The following ACSF3 variants were observed in gnomAD, a reference collection of about 807,000 sequenced individuals.
The protein encoded by ACSF3 is acyl-CoA synthetase family member 3.
Under a neutral mutation model 53.2 loss-of-function variants are expected in ACSF3, and 78 were observed. That is an observed-to-expected ratio of 1.47 (90% confidence interval 1.22 to 1.77). The LOEUF (loss-of-function observed/expected upper bound fraction) is 1.77, where lower values mean the gene tolerates loss of function less well. ACSF3 is among the 40% of genes most tolerant of loss of function. The pLI is 0.00. For synonymous variants in ACSF3, 414 were observed against 333.1 expected (o/e 1.24, Z -2.65); for missense variants, 937 against 771.1 (o/e 1.22, Z -2.55).
intron 8 of ACSF3, among the ~76,000 whole-genome samples, chr16:89,135,401 C>A (rs562458207): frequency 4.6e-5 from 7 of 152,222 alleles, no homozygotes; most frequent in African/African-American, 1.7e-4. Flanking sequence ...TGTGGCAGTT[C>A]CGCACGTTTG....
intron 10 of ACSF3, chr16:89,148,920 C>T (rs1661708471): frequency 6.6e-6 from 1 of 152,208 alleles, no homozygotes; most frequent in Non-Finnish European, 1.5e-5. Context: ...ATATTCAGCT[C>T]CTCTTTACTT....
rs773707422 is a variant in ACSF3 at position 89,154,159 on chromosome 16, G to T, written c.1683G>T (p.Met561Ile). The change falls in exon 11 of 11, where the codon ATG (methionine) becomes ATT (isoleucine). Residue 561 changes from methionine (M) to isoleucine (I), a missense_variant. Physicochemically the swap from Met to Ile is conservative, Grantham distance 10 (BLOSUM62 1). Transcript: ENST00000614302. ...TGGAGGAGATCCCGCGGAACCAGAT[G>T]GGCAAGATTGACAAGAAGGCGCTCA... The part of the protein sequence containing the change: ...VLVEEIPRNQ[M>I]GKIDKKALIR... 1.2e-6 allele frequency: 2 copies of T among 1,613,572 alleles called. No individual in the cohort carries two copies. The highest frequency in any genetic ancestry group is 1.7e-6 in the Non-Finnish European group (2 of 1,179,820).
chr16:89,111,276 C>T (rs982042802), intron 4 of ACSF3, among the ~76,000 whole-genome samples: 3 of 152,236 alleles, frequency 2.0e-5, no homozygotes, highest in Non-Finnish European at 2.9e-5. Context: ...ATTTCTTCCC[C>T]GGAGATTCCT....
At position 89,100,703 on chromosome 16, in the gene ACSF3, A is replaced by G; in HGVS notation, c.22A>G (p.Thr8Ala). The stretch of plus-strand genomic sequence containing the variant: ...TGCAATGCTGCCCCATGTGGTGCTC[A>G]CCTTCCGGCGCCTGGGCTGCGCCTT... MLPHVVL[T>A]FRRLGCALAS... Residue 8 changes from threonine (T) to alanine (A), a missense_variant, in exon 3 of 11, where the codon ACC (threonine) becomes GCC (alanine). Transcript: ENST00000614302. 6.4e-7 allele frequency: 1 copy of G among 1,571,652 alleles called. No homozygotes were observed. Among genetic ancestry groups the G allele is most frequent in the Non-Finnish European group, 8.6e-7 (1 of 1,165,688 alleles).
At chr16:89,114,972 A>T (rs951486727) in intron 6 of ACSF3, 3 of 253,066 alleles carry the variant, frequency 1.2e-5, no homozygotes, top group African/African-American at 6.7e-5. Context: ...TGGGCTCCTG[A>T]TACCGGGCCC....
rs1260146629 is a variant in ACSF3, at chr16:89,155,572, C to G, written c.*1365C>G. 1.1e-5 allele frequency: 5 copies of G among 454,142 alleles called. No homozygotes were observed. The highest frequency in any genetic ancestry group is 4.7e-5 in the Admixed American group (2 of 42,580). 28.1% of individuals were successfully genotyped at this position (454,142 alleles called of 1,614,324 possible). A position where few individuals can be genotyped will look rare whatever the true frequency, so the allele number is the denominator to read the frequency against. Reference sequence around the variant, plus strand: ...CCTCACGGTGTGGCCTTGTGCATCCCCATGGCCTGACCCCGGGAACAGTCA... The same window carrying G: ...CCTCACGGTGTGGCCTTGTGCATCCGCATGGCCTGACCCCGGGAACAGTCA... On this transcript the variant is annotated 3_prime_UTR_variant, in exon 11 of 11. Coordinates refer to ENST00000614302, the MANE Select transcript of ACSF3 (RefSeq NM_001243279.3).
chr16:89,143,520 G>C (rs1215858402), intron 8 of ACSF3, among the ~76,000 whole-genome samples: 1 of 152,196 alleles, frequency 6.6e-6, no homozygotes, highest in East Asian at 1.9e-4. Context: ...TGGACGGGGT[G>C]GCTCGGTGCG....
In ACSF3 at chr16:89,155,975, A is replaced by G. The variant is rs1914664690; in HGVS notation, c.*1768A>G. On this transcript the variant is annotated 3_prime_UTR_variant, in exon 11 of 11. Coordinates refer to ENST00000614302, the MANE Select transcript of ACSF3 (RefSeq NM_001243279.3). Reference sequence around the variant, plus strand: ...GCCTGGAGCTCGTTGACCACAAACTACAGAAAGCCTGGAGCTCGTTGACCA... The same window carrying G: ...GCCTGGAGCTCGTTGACCACAAACTGCAGAAAGCCTGGAGCTCGTTGACCA... 2.8e-6 allele frequency: 1 copy of G among 361,198 alleles called. No homozygotes were observed. The highest frequency in any genetic ancestry group is 5.4e-6 in the Non-Finnish European group (1 of 185,896). The allele number at this position is 361,198 out of a possible 1,614,324, so 22.4% of individuals were successfully genotyped here. A position where few individuals can be genotyped will look rare whatever the true frequency, so the allele number is the denominator to read the frequency against.
chr16:89,138,970 G>A (rs998825728), intron 8 of ACSF3, among the ~76,000 whole-genome samples: 7 of 152,182 alleles, frequency 4.6e-5, no homozygotes, highest in Non-Finnish European at 7.3e-5. Flanking sequence ...CAGACTCGCC[G>A]GCTGCTGCTT....
intron 5 of ACSF3, 167 bp from the exon 6 acceptor site, chr16:89,114,172 C>T (rs1567702431): frequency 1.4e-5 from 12 of 843,528 alleles, no homozygotes; most frequent in South Asian, 1.2e-4. Context: ...GCGTTGGTCC[C>T]GGGTGTCGCA....
rs1397465454 is a variant in ACSF3, at chr16:89,102,672, C to G, written c.735C>G (p.His245Gln). Residue 245 changes from histidine to glutamine, a missense_variant, in exon 4 of 11, where the codon CAC (histidine) becomes CAG (glutamine). By Grantham distance (24) the His-to-Gln change is conservative. Coordinates refer to ENST00000614302, the MANE Select transcript of ACSF3 (RefSeq NM_001243279.3). ...DDVILHVLPL[H>Q]HVHGVVNALL... is the part of the protein sequence containing the mutation. Reference sequence around the variant, plus strand: ...TGATCCTCCACGTGCTCCCGCTGCACCACGTCCATGGTGTGGTCAACGCGC... The same window carrying G: ...TGATCCTCCACGTGCTCCCGCTGCAGCACGTCCATGGTGTGGTCAACGCGC... The G allele has an allele frequency of 2.5e-6, 4 of 1,613,926 alleles. No individual in the cohort carries two copies. Among genetic ancestry groups the G allele is most frequent in the Admixed American group, 3.3e-5 (2 of 60,034 alleles).
Position 89,100,699 on chromosome 16 carries a change from G to A in ACSF3, c.18G>A (p.Val6=), listed in dbSNP as rs375071176. The change falls in exon 3 of 11, where the codon GTG becomes GTA. Residue 6 remains valine (V), a synonymous_variant. Coordinates refer to ENST00000614302, the MANE Select transcript of ACSF3 (RefSeq NM_001243279.3). ...TCAGTGCAATGCTGCCCCATGTGGT[G>A]CTCACCTTCCGGCGCCTGGGCTGCG... The part of the protein sequence containing the change: MLPHV[V]LTFRRLGCAL... The A allele has an allele frequency of 9.0e-6, 14 of 1,558,348 alleles. No individual in the cohort carries two copies. The highest frequency in any genetic ancestry group is 5.6e-5 in the South Asian group (5 of 90,016).
chr16:89,112,612 C>G (rs1299899541), intron 5 of ACSF3, among the ~76,000 whole-genome samples: 1 of 152,130 alleles, frequency 6.6e-6, no homozygotes, highest in Non-Finnish European at 1.5e-5. Context: ...TTCTCTCTGT[C>G]TCTCTCCATC....
At position 89,133,117 on chromosome 16, in the gene ACSF3, T is replaced by G. The variant is rs758641886; in HGVS notation, c.1240-19T>G. 9.9e-6 allele frequency: 16 copies of G among 1,613,100 alleles called. No individual in the cohort carries two copies. Among genetic ancestry groups the G allele is most frequent in the Non-Finnish European group, 1.7e-6 (2 of 1,179,952 alleles). On this transcript the variant is annotated intron_variant, in intron 7 of 10. Coordinates refer to ENST00000614302, the MANE Select transcript of ACSF3 (RefSeq NM_001243279.3). The stretch of plus-strand genomic sequence containing the variant: ...AGGGTGTGCCCAGCTCTGACCTCCA[T>G]GTTCTTCATCCTCCACAGGTGACCC...
At chr16:89,119,453 C>T (rs977675710) in intron 6 of ACSF3, among the ~76,000 whole-genome samples, 2 of 152,182 alleles carry the variant, frequency 1.3e-5, no homozygotes, top group African/African-American at 4.8e-5. Flanking sequence ...TGCGGGAGTT[C>T]TGACTAGGGG....
At chr16:89,135,463 C>T (rs1910240282) in intron 8 of ACSF3, among the ~76,000 whole-genome samples, 1 of 152,258 alleles carries the variant, frequency 6.6e-6, no homozygotes, top group Admixed American at 6.5e-5. Flanking sequence ...CCCCACGCAG[C>T]ATCTCATAGG....
In ACSF3 at chr16:89,154,290, C is replaced by G. The variant is rs771406704; in HGVS notation, c.*83C>G. On this transcript the variant is annotated 3_prime_UTR_variant, in exon 11 of 11. Coordinates refer to ENST00000614302, the MANE Select transcript of ACSF3 (RefSeq NM_001243279.3). ...AGAACCACGGGGGCCCGTCCAAGAC[C>G]TGGCCTCCCTTAAACCTGAACCCCC... The G allele has an allele frequency of 8.4e-6, 11 of 1,313,714 alleles. No homozygotes were observed. The East Asian group carries it at 2.6e-4, about 31-fold the overall frequency. The allele number at this position is 1,313,714 out of a possible 1,614,324, so 81.4% of individuals were successfully genotyped here.
intron 6 of ACSF3, among the ~76,000 whole-genome samples, chr16:89,115,451 C>A (rs1447811403): frequency 6.6e-6 from 1 of 152,236 alleles, no homozygotes; most frequent in Non-Finnish European, 1.5e-5. Context: ...TTCCGCCCGG[C>A]TTCCGCCCAC....
At chr16:89,096,871 C>A (rs1422917117) in intron 1 of ACSF3, among the ~76,000 whole-genome samples, 1 of 152,234 alleles carries the variant, frequency 6.6e-6, no homozygotes, top group Non-Finnish European at 1.5e-5. Flanking sequence ...GACCATGTCA[C>A]ACGGGGCCAG....
Sources: allele counts gnomAD v4.1 joint callset (sites outside exome capture counted in the v4.1 genomes callset), GRCh38; gene constraint gnomAD v4.1.1; transcripts MANE v1.5; gene names NCBI Gene and HGNC (gene_info 2026-07-23, HGNC 2026-07-21).